AK5: variants seen among roughly 807,000 people sequenced by gnomAD.
AK5 encodes adenylate kinase 5.
A neutral mutation model predicts 69.5 loss-of-function variants in AK5; 27 were observed. The observed-to-expected ratio is 0.39, with a 90% confidence interval of 0.29 to 0.54. The LOEUF is 0.54. Among genes scored for constraint, AK5 ranks in the 20% least tolerant of loss-of-function variants. AK5 has a pLI of 0.71. For missense variants in AK5, 531 were observed against 700.4 expected, an observed-to-expected ratio of 0.76 and a Z score of 2.73; for synonymous variants, 260 against 244.4, an observed-to-expected ratio of 1.06 and a Z score of -0.60.
At chr1:77,300,353 T>C (rs1659264642) in intron 5 of AK5, among the ~76,000 whole-genome samples, 2 of 152,220 alleles carry the variant, frequency 1.3e-5, no homozygotes, top group Admixed American at 6.5e-5. Context: ...AAAGTTCCAA[T>C]TTAACATCTT....
chr1:77,368,397 A>G (rs1647058373), intron 6 of AK5, among the ~76,000 whole-genome samples: 1 of 142,036 alleles, frequency 7.0e-6, no homozygotes. Flanking sequence ...ACATAGCCTG[A>G]AGGTAATTTT....
At chr1:77,322,742 C>A (rs942253675) in intron 5 of AK5, among the ~76,000 whole-genome samples, 1 of 152,058 alleles carries the variant, frequency 6.6e-6, no homozygotes, top group Admixed American at 6.6e-5. Context: ...CTCTCTCCAC[C>A]CAACTATACT....
chr1:77,479,128 T>C (rs998605957), intron 8 of AK5, among the ~76,000 whole-genome samples: 3 of 151,694 alleles, frequency 2.0e-5, no homozygotes, highest in Non-Finnish European at 4.4e-5. Context: ...ATTCTAGATT[T>C]CTCCTCATCA....
chr1:77,405,900 C>A (rs898611930), intron 6 of AK5, among the ~76,000 whole-genome samples: 2 of 151,786 alleles, frequency 1.3e-5, no homozygotes, highest in African/African-American at 4.9e-5. Flanking sequence ...TTGCCTTACT[C>A]CCCTTTTCCA....
chr1:77,385,245 C>T (rs1408800330), intron 6 of AK5, among the ~76,000 whole-genome samples: 3 of 152,136 alleles, frequency 2.0e-5, no homozygotes, highest in Admixed American at 6.5e-5. Context: ...CTGCAAGCTC[C>T]GCCTCCCGGG....
intron 6 of AK5, among the ~76,000 whole-genome samples, chr1:77,370,026 C>T (rs1647090698): frequency 1.3e-5 from 2 of 152,292 alleles, no homozygotes; most frequent in Admixed American, 6.5e-5. Context: ...GCTTTCCTTC[C>T]CAAAGCAGCA....
chr1:77,484,680 T>A (rs1655479127), intron 9 of AK5, among the ~76,000 whole-genome samples: 1 of 152,214 alleles, frequency 6.6e-6, no homozygotes, highest in African/African-American at 2.4e-5. Context: ...CTATAGAAAT[T>A]TTTTAACGTA....
chr1:77,545,106 G>T (rs973658396), intron 13 of AK5, among the ~76,000 whole-genome samples: 7 of 152,154 alleles, frequency 4.6e-5, no homozygotes, highest in African/African-American at 1.7e-4. Context: ...ATCAGTGCAT[G>T]ACTATATATA....
chr1:77,361,842 C>T (rs1356935225), intron 6 of AK5, among the ~76,000 whole-genome samples: 2 of 152,130 alleles, frequency 1.3e-5, no homozygotes, highest in East Asian at 1.9e-4. Context: ...TCACCCCCGC[C>T]GTAATTCAGT....
chr1:77,454,791 T>C (rs1653371914), intron 8 of AK5, among the ~76,000 whole-genome samples: 1 of 151,912 alleles, frequency 6.6e-6, no homozygotes. Flanking sequence ...GGGTCTAAGT[T>C]GCCATTTAAA....
intron 5 of AK5, among the ~76,000 whole-genome samples, chr1:77,333,512 T>G (rs1016116465): frequency 2.0e-5 from 3 of 152,264 alleles, no homozygotes; most frequent in African/African-American, 7.2e-5. Context: ...TTTCTTACTT[T>G]TTTTGAATTA....
In AK5 at chr1:77,293,845, A is replaced by G. The variant is rs781314257; in HGVS notation, c.300A>G (p.Pro100=). Reference sequence around the variant, plus strand: ...ATCGGCGGTATGACCGGCTCCCTCCAATCCATCAATTCTCCATAGAAAGTG... The same window carrying G: ...ATCGGCGGTATGACCGGCTCCCTCCGATCCATCAATTCTCCATAGAAAGTG... The part of the protein sequence containing the change: ...FPYRRYDRLP[P]IHQFSIESDT... Residue 100 remains proline (P), a synonymous_variant, in exon 3 of 14, where the codon CCA becomes CCG. Transcript: ENST00000354567. 9 of 1,613,262 alleles carry G rather than the reference A, an allele frequency of 5.6e-6. No individual in the cohort carries two copies. The Admixed American group carries it at 1.2e-4, about 21-fold the overall frequency.
At chr1:77,419,833 G>C (rs1331318480) in intron 8 of AK5, among the ~76,000 whole-genome samples, 1 of 152,118 alleles carries the variant, frequency 6.6e-6, no homozygotes. Context: ...ACAGATAATA[G>C]TTGAGAATTT....
chr1:77,514,962 G>C (rs939957666), intron 10 of AK5, among the ~76,000 whole-genome samples: 1 of 152,178 alleles, frequency 6.6e-6, no homozygotes, highest in Non-Finnish European at 1.5e-5. Flanking sequence ...TCAGCCACTT[G>C]CACCCCTTAG....
chr1:77,312,492 G>A (rs1660015535), intron 5 of AK5, among the ~76,000 whole-genome samples: 1 of 151,974 alleles, frequency 6.6e-6, no homozygotes, highest in East Asian at 1.9e-4. Flanking sequence ...GCACATGCCT[G>A]TAATCCCAAC....
At chr1:77,344,362 A>G (rs1201244634) in intron 6 of AK5, among the ~76,000 whole-genome samples, 1 of 152,236 alleles carries the variant, frequency 6.6e-6, no homozygotes, top group Non-Finnish European at 1.5e-5. Context: ...TTTCTCAGAC[A>G]TATTTATATG....
At chr1:77,386,222 A>G (rs1312098441) in intron 6 of AK5, among the ~76,000 whole-genome samples, 1 of 152,200 alleles carries the variant, frequency 6.6e-6, no homozygotes. Context: ...TGAAATTTAG[A>G]GACTTGCAAG....
intron 11 of AK5, among the ~76,000 whole-genome samples, chr1:77,521,190 G>A (rs1028579052): frequency 1.3e-5 from 2 of 150,978 alleles, no homozygotes; most frequent in African/African-American, 2.4e-5. Flanking sequence ...CTGGAGGGCT[G>A]TGGCAGGATC....
At chr1:77,534,903 A>T (rs190397485) in intron 12 of AK5, among the ~76,000 whole-genome samples, 1 of 152,336 alleles carries the variant, frequency 6.6e-6, no homozygotes, top group East Asian at 1.9e-4. Context: ...TCTGGAAGTT[A>T]TGGGGCTCAG....
Sources: allele counts gnomAD v4.1 joint callset (sites outside exome capture counted in the v4.1 genomes callset), GRCh38; gene constraint gnomAD v4.1.1; transcripts MANE v1.5; gene names NCBI Gene and HGNC (gene_info 2026-07-23, HGNC 2026-07-21).